The following ATP11A variants were observed in gnomAD, a reference collection of about 807,000 sequenced individuals.
ATP11A encodes ATPase phospholipid transporting 11A.
In ATP11A, 81 loss-of-function variants were observed where a neutral mutation model predicts 154.4. That is an observed-to-expected ratio of 0.52 (90% CI 0.44 to 0.63). The LOEUF (loss-of-function observed/expected upper bound fraction) is 0.63, where lower values mean the gene tolerates loss of function less well. ATP11A is among the 30% of genes least tolerant of loss of function. The pLI, the probability that ATP11A is intolerant of heterozygous loss-of-function variation, is 0.00. For synonymous variants in ATP11A, 623 were observed against 585.9 expected, an observed-to-expected ratio of 1.06 and a Z score of -0.91; for missense variants, 1,316 against 1,474.3, an observed-to-expected ratio of 0.89 and a Z score of 1.76.
At chr13:112,810,878 A>C in intron 5 of ATP11A, 152 bp downstream of exon 5, 2 of 665,716 alleles carry the variant, frequency 3.0e-6, no homozygotes, top group Non-Finnish European at 2.6e-6. Flanking sequence ...GAGGCCACTC[A>C]GGAGGCTTCA....
chr13:112,781,012 C>T (rs1424976002), intron 1 of ATP11A, among the ~76,000 whole-genome samples: 1 of 151,992 alleles, frequency 6.6e-6, no homozygotes, highest in East Asian at 1.9e-4. Flanking sequence ...AAAACAGCCC[C>T]GTGTGATGTG....
chr13:112,824,563 T>G (rs2078884084), intron 10 of ATP11A, 138 bp downstream of exon 10: 1 of 730,728 alleles, frequency 1.4e-6, no homozygotes, highest in African/African-American at 1.7e-5. Context: ...AGCTGACCAT[T>G]CAGATGGTCT....
At chr13:112,881,201 T>C in intron 29 of ATP11A, 1 of 989,670 alleles carries the variant, frequency 1.0e-6, no homozygotes, top group Non-Finnish European at 1.2e-6. Context: ...ATCAGACAGA[T>C]GCGTGCTGCC....
Position 112,836,160 on chromosome 13 carries a change from T to C in ATP11A, c.1632-18T>C. On this transcript the variant is annotated intron_variant, in intron 15 of 29. Transcript: ENST00000375645. ...AGCACCCGTGTGGACGGTGTGACCT[T>C]CTGCATTTCTCTTTCAGGTTTGAAT... is the stretch of plus-strand genomic sequence containing the variant. The C allele has an allele frequency of 6.2e-7, 1 of 1,600,602 alleles. No homozygotes were observed.
chr13:112,850,276 G>C (rs1338559727), intron 17 of ATP11A, among the ~76,000 whole-genome samples: 1 of 152,204 alleles, frequency 6.6e-6, no homozygotes, highest in African/African-American at 2.4e-5. Flanking sequence ...GGCTGGGGCT[G>C]AAGGAGCAGG....
chr13:112,723,319 T>G (rs558459279), intron 1 of ATP11A, among the ~76,000 whole-genome samples: 10 of 298 alleles, frequency 0.034, no homozygotes, highest in African/African-American at 0.23. Flanking sequence ...TCATTCAGGC[T>G]GTTGTGCAGT....
chr13:112,868,386 A>G (rs1036778541), intron 25 of ATP11A, among the ~76,000 whole-genome samples: 1 of 152,230 alleles, frequency 6.6e-6, no homozygotes, highest in Non-Finnish European at 1.5e-5. Flanking sequence ...TTGAGCAGAA[A>G]GCTTCTATAG....
At chr13:112,835,494 A>G (rs892388614) in intron 15 of ATP11A, among the ~76,000 whole-genome samples, 1 of 152,214 alleles carries the variant, frequency 6.6e-6, no homozygotes, top group African/African-American at 2.4e-5. Context: ...CGGGGGCCGC[A>G]ACTCACTGCC....
chr13:112,705,754 T>C (rs1418771784), intron 1 of ATP11A, among the ~76,000 whole-genome samples: 1 of 152,234 alleles, frequency 6.6e-6, no homozygotes, highest in Non-Finnish European at 1.5e-5. Context: ...TTTAAGCTTG[T>C]TTAATATTAT....
Position 112,875,733 on chromosome 13 carries a change from G to A in ATP11A, c.3162-43G>A. 2 of 1,594,136 alleles carry A rather than the reference G, an allele frequency of 1.3e-6. No individual in the cohort carries two copies. The highest frequency in any genetic ancestry group is 1.7e-6 in the Non-Finnish European group (2 of 1,166,070). On this transcript the variant is annotated intron_variant, in intron 27 of 29. Coordinates refer to ENST00000375645, the MANE Select transcript of ATP11A (RefSeq NM_015205.3). The surrounding 1 kb of genome is among the most constrained non-coding windows in gnomAD (Gnocchi z 4.1). ...CAGTGAGTAGAGAGGCCAGCCCCAG[G>A]GAGTACATGCCTCACCAGCGGCTTC...
chr13:112,856,007 C>T lies in ATP11A; in HGVS notation c.2340C>T (p.Tyr780=), dbSNP rs1456935054. ...KPREDGSSGN[Y]RELFLEICRS... Reference sequence around the variant, plus strand: ...GAGAAGACGGGAGTTCCGGCAACTACAGGGAGCTCTTCCTGGAAATCTGCC... The same window carrying T: ...GAGAAGACGGGAGTTCCGGCAACTATAGGGAGCTCTTCCTGGAAATCTGCC... The change falls in exon 20 of 30, where the codon TAC becomes TAT. Residue 780 remains tyrosine, a synonymous_variant. Coordinates refer to ENST00000375645, the MANE Select transcript of ATP11A (RefSeq NM_015205.3). 2.5e-6 allele frequency: 4 copies of T among 1,614,090 alleles called. No individual in the cohort carries two copies. Among genetic ancestry groups the T allele is most frequent in the South Asian group, 1.1e-5 (1 of 91,084 alleles).
At chr13:112,726,117 C>T (rs1045208863) in intron 1 of ATP11A, among the ~76,000 whole-genome samples, 1 of 152,236 alleles carries the variant, frequency 6.6e-6, no homozygotes, top group Admixed American at 6.5e-5. Flanking sequence ...GTGTGTGTCA[C>T]CAGGAGGTGT....
At chr13:112,763,370 A>G (rs912165907) in intron 1 of ATP11A, among the ~76,000 whole-genome samples, 3 of 152,176 alleles carry the variant, frequency 2.0e-5, no homozygotes, top group Non-Finnish European at 4.4e-5. Flanking sequence ...CAGAGACCTG[A>G]GACTGACAAA....
At chr13:112,760,196 A>G (rs1386438819) in intron 1 of ATP11A, among the ~76,000 whole-genome samples, 17 of 152,272 alleles carry the variant, frequency 1.1e-4, no homozygotes, top group Admixed American at 1.1e-3. Flanking sequence ...TGGGAATAAA[A>G]GTAATTTCTC....
Position 112,733,228 on chromosome 13 carries a change from G to C in ATP11A, c.39+42773G>C, listed in dbSNP as rs574353363. Among the ~76,000 whole-genome samples, 34 of 147,538 alleles carry C rather than the reference G, an allele frequency of 2.3e-4. No individual in the cohort carries two copies. The South Asian group carries it at 7.0e-3, about 30-fold the overall frequency. ...AGAGAGGGGAAGCTGAATATGGCTT[G>C]GGGGCACACGGCGCGGGGCACAGCA... On this transcript the variant is annotated intron_variant, in intron 1 of 29. Transcript: ENST00000375645.
At position 112,836,181 on chromosome 13, in the gene ATP11A, T is replaced by G; in HGVS notation, c.1635T>G (p.Phe545Leu). The change falls in exon 16 of 30, where the codon TTT (phenylalanine) becomes TTG (leucine). Residue 545 changes from phenylalanine (F) to leucine (L), a missense_variant. By Grantham distance (22) the Phe-to-Leu change is conservative. Around this residue, in one of 5 missense-constraint regions of ATP11A, gnomAD observed 876 missense variants for 1,006.8 expected, o/e 0.87. Transcript: ENST00000375645. ...ACCTTCTGCATTTCTCTTTCAGGTT[T>G]GAATTGCTGGAAATTTTGAGTTTTG... Reference protein sequence around the residue: ...ILNRENHIERFELLEILSFDS... With the variant: ...ILNRENHIERLELLEILSFDS... 6.2e-7 allele frequency: 1 copy of G among 1,611,874 alleles called. No homozygotes were observed. Among genetic ancestry groups the G allele is most frequent in the Non-Finnish European group, 8.5e-7 (1 of 1,178,290 alleles).
intron 13 of ATP11A, 96 bp from the exon 14 acceptor site, chr13:112,832,764 C>T (rs2079130055): frequency 2.8e-5 from 41 of 1,484,856 alleles, no homozygotes; most frequent in Non-Finnish European, 3.7e-5. Context: ...CGGGGACCCC[C>T]CCCACCCCGC....
intron 2 of ATP11A, among the ~76,000 whole-genome samples, chr13:112,787,825 C>CG (rs2077693003): frequency 6.8e-6 from 1 of 146,628 alleles, no homozygotes; most frequent in African/African-American, 2.6e-5. Context: ...TAATTCACAC[C>CG]GGTGTCCTAA....
At chr13:112,775,852 G>T (rs979175813) in intron 1 of ATP11A, among the ~76,000 whole-genome samples, 2 of 152,196 alleles carry the variant, frequency 1.3e-5, no homozygotes, top group South Asian at 4.1e-4. Context: ...CTTAGTTCAC[G>T]ACAACCTAGT....
Sources: gnomAD v4.1 joint callset for allele counts (sites outside exome capture counted in the v4.1 genomes callset) on GRCh38, gnomAD v4.1.1 for gene constraint, gnomAD v4.1.1 regional missense constraint, Gnocchi (gnomAD v3.1) non-coding constraint, MANE v1.5 for transcripts, NCBI Gene and HGNC (gene_info 2026-07-23, HGNC 2026-07-21) for gene names.